The following CAMK2A variants were observed in gnomAD, a reference collection of about 807,000 sequenced individuals.
CAMK2A encodes the protein calcium/calmodulin-dependent protein kinase type II subunit alpha.
In CAMK2A, 7 loss-of-function variants were observed where a neutral mutation model predicts 79.2. That is an observed-to-expected ratio of 0.09 (90% CI 0.05 to 0.17). CAMK2A has a LOEUF of 0.17. CAMK2A is among the 10% of genes least tolerant of loss of function. The probability of loss-of-function intolerance (pLI) is 1.00; values close to 1 mark genes in which losing one functional copy is unlikely to be tolerated. For missense variants in CAMK2A, 214 were observed against 646.4 expected (o/e 0.33, Z 7.25); for synonymous variants, 242 against 251.7 (o/e 0.96, Z 0.36).
intron 13 of CAMK2A, among the ~76,000 whole-genome samples, chr5:150,242,020 G>T (rs1372679931): frequency 1.3e-5 from 2 of 152,202 alleles, no homozygotes; most frequent in Non-Finnish European, 2.9e-5. Context: ...AGATTCGGAC[G>T]CACAGTGACA....
chr5:150,257,756 T>C, intron 3 of CAMK2A, 139 bp from the exon 4 acceptor site: 2 of 677,206 alleles, frequency 3.0e-6, no homozygotes, highest in Non-Finnish European at 5.3e-6. Context: ...CCAGGTGCTT[T>C]GACAAGCGCT....
intron 3 of CAMK2A, among the ~76,000 whole-genome samples, chr5:150,260,498 T>C (rs893601562): frequency 1.1e-4 from 16 of 151,170 alleles, no homozygotes; most frequent in African/African-American, 3.9e-4. Flanking sequence ...TATTTAACTG[T>C]ATTTTTGGTG....
intron 6 of CAMK2A, among the ~76,000 whole-genome samples, chr5:150,255,939 G>A (rs757509604): frequency 3.9e-5 from 6 of 152,336 alleles, no homozygotes; most frequent in Middle Eastern, 3.4e-3. Context: ...ATACCATGAG[G>A]ATCAGCAGCG....
intron 2 of CAMK2A, among the ~76,000 whole-genome samples, chr5:150,269,696 A>G (rs1348644048): frequency 6.6e-6 from 1 of 152,070 alleles, no homozygotes; most frequent in African/African-American, 2.4e-5. Context: ...GGCGGCCCGA[A>G]ATTCCAGCAG....
chr5:150,255,965 C>T (rs1266014116), intron 6 of CAMK2A, among the ~76,000 whole-genome samples: 3 of 152,172 alleles, frequency 2.0e-5, no homozygotes, highest in Admixed American at 2.0e-4. Flanking sequence ...CCATGAAGTC[C>T]CTGCTGAAGG....
chr5:150,261,488 A>T (rs1756304023), intron 3 of CAMK2A, among the ~76,000 whole-genome samples: 1 of 152,166 alleles, frequency 6.6e-6, no homozygotes, highest in South Asian at 2.1e-4. Context: ...TCATTCTGTC[A>T]CTTTTGACTG....
At chr5:150,259,112 G>A (rs1562175441) in intron 3 of CAMK2A, among the ~76,000 whole-genome samples, 1 of 151,954 alleles carries the variant, frequency 6.6e-6, no homozygotes, top group Non-Finnish European at 1.5e-5. Context: ...CCCAGGAGGT[G>A]GAGTTTGCAG....
chr5:150,246,095 T>A (rs1293335690), intron 12 of CAMK2A, among the ~76,000 whole-genome samples: 1 of 152,318 alleles, frequency 6.6e-6, no homozygotes, highest in East Asian at 1.9e-4. Flanking sequence ...CTTCTCCTGG[T>A]GGCCTTGAGA....
intron 17 of CAMK2A, among the ~76,000 whole-genome samples, chr5:150,226,593 C>T (rs916302099): frequency 2.0e-5 from 3 of 151,204 alleles, no homozygotes; most frequent in African/African-American, 4.9e-5. Context: ...AAAAATTAGC[C>T]GGGTGTGTTG....
intron 1 of CAMK2A, among the ~76,000 whole-genome samples, chr5:150,279,118 C>T (rs1260037782): frequency 1.3e-5 from 2 of 152,176 alleles, no homozygotes; most frequent in Admixed American, 6.5e-5. Context: ...CATACCAGTG[C>T]CATTCAACAG....
At chr5:150,247,643 G>A (rs1580918321) in intron 12 of CAMK2A, 129 bp downstream of exon 12, 2 of 702,626 alleles carry the variant, frequency 2.8e-6, no homozygotes. Context: ...TAAGCCCTTA[G>A]TCACAGAGTC....
At chr5:150,259,399 G>A (rs1357807694) in intron 3 of CAMK2A, among the ~76,000 whole-genome samples, 2 of 151,538 alleles carry the variant, frequency 1.3e-5, no homozygotes, top group Non-Finnish European at 1.5e-5. Flanking sequence ...ACAGGCATTT[G>A]TCGTCCCAGC....
chr5:150,244,051 T>G (rs1210648954), intron 13 of CAMK2A, among the ~76,000 whole-genome samples: 1 of 152,248 alleles, frequency 6.6e-6, no homozygotes, highest in African/African-American at 2.4e-5. Context: ...AATAATTATG[T>G]ATTCCTCTAG....
At chr5:150,287,127 G>A (rs1357557190) in intron 1 of CAMK2A, among the ~76,000 whole-genome samples, 1 of 152,190 alleles carries the variant, frequency 6.6e-6, no homozygotes, top group Non-Finnish European at 1.5e-5. Context: ...GAGAGCAGGA[G>A]CCCCAGGCTC....
At position 150,253,324 on chromosome 5, in the gene CAMK2A, C is replaced by A. The variant is rs1341787274; in HGVS notation, c.514+120G>T. On this transcript the variant is annotated intron_variant, in intron 7 of 18. Transcript: ENST00000671881. ...TGGGACAGGGCCTCTGCTCTACCAG[C>A]CCCGGCTGGCCCAACAGCATCTCCA... is the stretch of plus-strand genomic sequence containing the variant. The A allele has an allele frequency of 6.6e-6, 5 of 755,462 alleles. No homozygotes were observed. The East Asian group carries it at 1.3e-4, about 20-fold the overall frequency. The allele number at this position is 755,462 out of a possible 1,614,324, so 46.8% of individuals were successfully genotyped here.
chr5:150,267,005 G>A (rs1200473563), intron 2 of CAMK2A, among the ~76,000 whole-genome samples: 1 of 152,216 alleles, frequency 6.6e-6, no homozygotes, highest in Admixed American at 6.5e-5. Flanking sequence ...CTGAAAGGTG[G>A]CTTTTCCACC....
intron 17 of CAMK2A, among the ~76,000 whole-genome samples, chr5:150,225,079 A>T (rs1017363535): frequency 3.3e-5 from 5 of 149,288 alleles, no homozygotes; most frequent in African/African-American, 9.8e-5. Context: ...AGAGAAAGTG[A>T]GAGAGAGAGA....
intron 16 of CAMK2A, 145 bp from the exon 17 acceptor site, chr5:150,228,431 G>A (rs771256162): frequency 6.4e-6 from 4 of 625,296 alleles, no homozygotes; most frequent in Non-Finnish European, 1.1e-5. Flanking sequence ...GGGCTTGCAA[G>A]TTATAAAGTA....
At chr5:150,244,802 T>C (rs1755490541) in intron 13 of CAMK2A, among the ~76,000 whole-genome samples, 1 of 152,156 alleles carries the variant, frequency 6.6e-6, no homozygotes, top group Admixed American at 6.5e-5. Flanking sequence ...TCACCCCTCA[T>C]GACCATTTCT....
Sources: gnomAD v4.1 joint callset for allele counts (sites outside exome capture counted in the v4.1 genomes callset) on GRCh38, gnomAD v4.1.1 for gene constraint, MANE v1.5 for transcripts, NCBI Gene and HGNC (gene_info 2026-07-23, HGNC 2026-07-21) for gene names.